UGT1A7: variants seen among roughly 807,000 people sequenced by gnomAD.
UGT1A7 encodes the protein UDP-glucuronosyltransferase 1A7.
UGT1A7 carries 33 observed loss-of-function variants against 45.6 expected under a neutral mutation model. The observed-to-expected ratio is 0.72, with a 90% CI of 0.55 to 0.97. The LOEUF (loss-of-function observed/expected upper bound fraction) is 0.97. Ranked by LOEUF, UGT1A7 falls within the 50% of genes least tolerant of loss-of-function variation. UGT1A7 has a pLI of 0.00. For missense variants in UGT1A7, 684 were observed against 666.2 expected, an observed-to-expected ratio of 1.03 and a Z score of -0.29; for synonymous variants, 274 against 250.6, an observed-to-expected ratio of 1.09 and a Z score of -0.88.
chr2:233,753,368 C>G (rs1222809761), intron 1 of UGT1A7: 1 of 152,204 alleles, frequency 6.6e-6, no homozygotes, highest in Non-Finnish European at 1.5e-5. Context: ...GGGTGCCATT[C>G]CATGCAGATT....
chr2:233,747,353 C>A, intron 1 of UGT1A7: 12 of 1,602,858 alleles, frequency 7.5e-6, no homozygotes, highest in Non-Finnish European at 1.0e-5. Flanking sequence ...TGCGGGAGGC[C>A]GTGCGGGAGC....
At chr2:233,766,995 T>C in intron 1 of UGT1A7, 39 bp from the exon 2 acceptor site, 2 of 1,613,538 alleles carry the variant, frequency 1.2e-6, no homozygotes, top group Admixed American at 1.7e-5. Context: ...TCAAAGAATA[T>C]GAGAAAAAAT....
intron 1 of UGT1A7, chr2:233,722,212 AT>A (rs2077000405): frequency 6.5e-6 from 1 of 153,656 alleles, no homozygotes; most frequent in African/African-American, 2.4e-5. Context: ...ATGAAAGATC[AT>A]TTACACCAAA....
At chr2:233,694,232 G>C (rs1484971413) in intron 1 of UGT1A7, among the ~76,000 whole-genome samples, 1 of 151,986 alleles carries the variant, frequency 6.6e-6, no homozygotes, top group Non-Finnish European at 1.5e-5. Context: ...CCCATGCTTT[G>C]TCTCTGGACC....
In UGT1A7 at chr2:233,767,938, T is replaced by G. The variant is rs779261748; in HGVS notation, c.1075+2T>G. The G allele has an allele frequency of 6.2e-7, 1 of 1,614,194 alleles. No individual in the cohort carries two copies. Among genetic ancestry groups the G allele is most frequent in the South Asian group, 1.1e-5 (1 of 91,090 alleles). ...GGCTACCCCAAAACGATCTGCTTGG[T>G]ATGTTGGGCGGATTGGATGTATAGG... On this transcript the variant is annotated splice_donor_variant, in intron 3 of 4. Transcript: ENST00000373426. LOFTEE classifies it high-confidence loss of function.
At chr2:233,743,773 C>A (rs367921172) in intron 1 of UGT1A7, 4 of 1,367,248 alleles carry the variant, frequency 2.9e-6, no homozygotes, top group African/African-American at 1.5e-5. Context: ...CCTCGGCCAC[C>A]TGCTTGAATC....
At chr2:233,759,599 A>ACCCCCCCCCCCCCCCCC (rs1553620419) in intron 1 of UGT1A7, among the ~76,000 whole-genome samples, 1 of 108,732 alleles carries the variant, frequency 9.2e-6, no homozygotes, top group African/African-American at 3.3e-5. Flanking sequence ...CCCACCCCCG[A>ACCCCCCCCCCCCCCCCC]CCCGCCCCAC....
intron 3 of UGT1A7, 94 bp from the exon 4 acceptor site, chr2:233,768,126 C>T: frequency 6.2e-7 from 1 of 1,604,728 alleles, no homozygotes; most frequent in Non-Finnish European, 8.5e-7. Flanking sequence ...ATGTGAGTAA[C>T]ACTGAGTCTT....
Position 233,747,516 on chromosome 2 carries a change from G to C in UGT1A7, c.856-19518G>C, listed in dbSNP as rs1693703556. The C allele has an allele frequency of 1.9e-6, 3 of 1,607,196 alleles. 1 individual carries two copies. The African/African-American group carries it at 4.0e-5, about 22-fold the overall frequency. On this transcript the variant is annotated intron_variant, in intron 1 of 4. Coordinates refer to ENST00000373426, the MANE Select transcript of UGT1A7 (RefSeq NM_019077.3). ...GCTGGGCCACACTCAACTGTACTTT[G>C]AAACAGAACATTTTCTGAAGACATT...
Position 233,729,591 on chromosome 2 carries a change from C to T in UGT1A7, c.856-37443C>T, listed in dbSNP as rs142676251. Reference sequence around the variant, plus strand: ...ATGTGGTTTTAACAGACCCCGTTAACCTCTGCGCGGCAGTGCTGGCTAAGT... The same window carrying T: ...ATGTGGTTTTAACAGACCCCGTTAATCTCTGCGCGGCAGTGCTGGCTAAGT... On this transcript the variant is annotated intron_variant, in intron 1 of 4. Coordinates refer to ENST00000373426, the MANE Select transcript of UGT1A7 (RefSeq NM_019077.3). 633 of 1,613,962 alleles carry T rather than the reference C, an allele frequency of 3.9e-4. 1 individual carries two copies. Among genetic ancestry groups the T allele is most frequent in the Non-Finnish European group, 5.0e-4 (593 of 1,179,978 alleles).
chr2:233,719,730 C>T (rs2011219), intron 1 of UGT1A7: 110,168 of 1,613,484 alleles, frequency 0.068, 5,029 homozygotes, highest in South Asian at 0.18. Flanking sequence ...CCAGGCAAAA[C>T]ACTTTTTAAA....
At chr2:233,726,497 T>C (rs1473175630) in intron 1 of UGT1A7, among the ~76,000 whole-genome samples, 2 of 152,348 alleles carry the variant, frequency 1.3e-5, no homozygotes, top group East Asian at 3.9e-4. Flanking sequence ...CTTATTAATT[T>C]TGGAATTTCA....
chr2:233,763,191 T>C lies in UGT1A7; in HGVS notation c.856-3843T>C, dbSNP rs182750749. Among the ~76,000 whole-genome samples, 498 of 152,362 alleles carry C rather than the reference T, an allele frequency of 3.3e-3. 1 individual carries two copies. Among genetic ancestry groups the C allele is most frequent in the South Asian group, 5.6e-3 (27 of 4,830 alleles). ...GTTGACTACATATTTGTTGTTGCCT[T>C]GTTTGGTGCAGTCAGGCTTAGGTGT... is the stretch of plus-strand genomic sequence containing the variant. On this transcript the variant is annotated intron_variant, in intron 1 of 4. Coordinates refer to ENST00000373426, the MANE Select transcript of UGT1A7 (RefSeq NM_019077.3).
Position 233,767,173 on chromosome 2 carries a change from G to T in UGT1A7, c.987+8G>T. 1.2e-6 allele frequency: 2 copies of T among 1,614,058 alleles called. No individual in the cohort carries two copies. The highest frequency in any genetic ancestry group is 1.7e-6 in the Non-Finnish European group (2 of 1,180,002). ...GGCAAAATCCCTCAGACAGTAAGAA[G>T]ATTCTATACCATGGCCTCATATCTA... On this transcript the variant is annotated splice_region_variant and intron_variant, in intron 2 of 4. Coordinates refer to ENST00000373426, the MANE Select transcript of UGT1A7 (RefSeq NM_019077.3).
intron 1 of UGT1A7, among the ~76,000 whole-genome samples, chr2:233,720,694 G>A (rs1379635884): frequency 6.6e-6 from 1 of 151,632 alleles, no homozygotes; most frequent in Non-Finnish European, 1.5e-5. Flanking sequence ...AATCCATTAA[G>A]GGAGCCATCC....
intron 1 of UGT1A7, among the ~76,000 whole-genome samples, chr2:233,751,390 T>C (rs1694715648): frequency 6.6e-6 from 1 of 152,170 alleles, no homozygotes; most frequent in Non-Finnish European, 1.5e-5. Flanking sequence ...TTGTCTCAGA[T>C]AAGACTTTGG....
intron 1 of UGT1A7, among the ~76,000 whole-genome samples, chr2:233,701,570 C>T (rs1230204481): frequency 1.3e-5 from 2 of 152,144 alleles, no homozygotes; most frequent in African/African-American, 2.4e-5. Flanking sequence ...CACACCTACT[C>T]CAAAATTGAC....
rs1409384005 is a variant in UGT1A7 at position 233,735,868 on chromosome 2, C to T, written c.856-31166C>T. ...TCTCTTCTGTCTTGTAGGGTTTCTG[C>T]AGAGAGATCTGCTGTTAGTCTGATG... On this transcript the variant is annotated intron_variant, in intron 1 of 4. Transcript: ENST00000373426. Among the ~76,000 whole-genome samples, 5 of 152,262 alleles carry T rather than the reference C, an allele frequency of 3.3e-5. No homozygotes were observed. The East Asian group carries it at 7.7e-4, about 23-fold the overall frequency.
At position 233,772,434 on chromosome 2, in the gene UGT1A7, G is replaced by A; in HGVS notation, c.1468G>A (p.Gly490Ser). The change falls in exon 5 of 5, where the codon GGT (glycine) becomes AGT (serine). Residue 490 changes from glycine to serine, a missense_variant. Physicochemically the swap from Gly to Ser is moderately conservative, Grantham distance 56 (BLOSUM62 0). Coordinates refer to ENST00000373426, the MANE Select transcript of UGT1A7 (RefSeq NM_019077.3). ...CCAGTACCATTCCTTGGACGTGATT[G>A]GTTTCCTCTTGGCCGTCGTGCTGAC... ...WYQYHSLDVI[G>S]FLLAVVLTVA... The A allele has an allele frequency of 1.2e-6, 2 of 1,614,176 alleles. No individual in the cohort carries two copies. Among genetic ancestry groups the A allele is most frequent in the Non-Finnish European group, 1.7e-6 (2 of 1,180,036 alleles).
Sources: gnomAD v4.1 joint callset for allele counts (sites outside exome capture counted in the v4.1 genomes callset) on GRCh38, gnomAD v4.1.1 for gene constraint, MANE v1.5 for transcripts, NCBI Gene and HGNC (gene_info 2026-07-23, HGNC 2026-07-21) for gene names.